The following SPTBN1 variants were observed in gnomAD, a reference collection of about 807,000 sequenced individuals.
SPTBN1 encodes the protein spectrin beta chain, non-erythrocytic 1.
In SPTBN1, 32 loss-of-function variants were observed where a neutral mutation model predicts 266.4. The ratio of observed to expected loss-of-function variants is 0.12; its 90% CI spans 0.09 to 0.16. The LOEUF is 0.16. Among genes scored for constraint, SPTBN1 ranks in the 10% least tolerant of loss-of-function variants. The pLI, the probability that SPTBN1 is intolerant of heterozygous loss-of-function variation, is 1.00. For synonymous variants in SPTBN1, 1,336 were observed against 1,162.2 expected, an observed-to-expected ratio of 1.15 and a Z score of -3.04; for missense variants, 2,296 against 3,067.1, an observed-to-expected ratio of 0.75 and a Z score of 5.94.
intron 17 of SPTBN1, 86 bp downstream of exon 17, chr2:54,632,854 T>C: frequency 6.9e-7 from 1 of 1,459,198 alleles, no homozygotes; most frequent in South Asian, 1.3e-5. Flanking sequence ...CTTGGGAGTT[T>C]AGGTATAAAT....
chr2:54,589,025 G>A (rs1014605845), intron 2 of SPTBN1, among the ~76,000 whole-genome samples: 5 of 152,016 alleles, frequency 3.3e-5, no homozygotes, highest in Non-Finnish European at 5.9e-5. Flanking sequence ...TAATCACATC[G>A]TGGAGAATGG....
At position 54,609,415 on chromosome 2, in the gene SPTBN1, A is replaced by G. The variant is rs529774075; in HGVS notation, c.301-2746A>G. On this transcript the variant is annotated intron_variant, in intron 3 of 35. Transcript: ENST00000356805. ...CTGTGAAGTCCTGTGTAACATCTGG[A>G]CATCATTTTCTTCAGCAGGAATGTA... Among the ~76,000 whole-genome samples, 4 of 152,232 alleles carry G rather than the reference A, an allele frequency of 2.6e-5. No homozygotes were observed. The East Asian group carries it at 5.8e-4, about 22-fold the overall frequency.
intron 29 of SPTBN1, among the ~76,000 whole-genome samples, chr2:54,656,463 T>C (rs933510338): frequency 3.9e-5 from 6 of 152,254 alleles, no homozygotes; most frequent in African/African-American, 1.4e-4. Context: ...TCTGTGTTTA[T>C]TCCCCAAAGT....
intron 1 of SPTBN1, among the ~76,000 whole-genome samples, chr2:54,497,814 G>A (rs2104083245): frequency 6.6e-6 from 1 of 152,270 alleles, no homozygotes; most frequent in East Asian, 1.9e-4. Context: ...TTTGGGAAGG[G>A]CTACCCTCTG....
At chr2:54,539,985 G>A (rs886122622) in intron 2 of SPTBN1, among the ~76,000 whole-genome samples, 5 of 152,152 alleles carry the variant, frequency 3.3e-5, no homozygotes, top group African/African-American at 1.2e-4. Flanking sequence ...TGGAGCCCTC[G>A]TGAATGGGAT....
intron 8 of SPTBN1, among the ~76,000 whole-genome samples, chr2:54,622,074 A>G (rs1678025713): frequency 6.6e-6 from 1 of 152,192 alleles, no homozygotes; most frequent in South Asian, 2.1e-4. Context: ...AACCAATTAC[A>G]GTTAAGCTGT....
chr2:54,469,331 C>T (rs1244124412), intron 1 of SPTBN1, among the ~76,000 whole-genome samples: 2 of 152,186 alleles, frequency 1.3e-5, no homozygotes, highest in Non-Finnish European at 2.9e-5. Flanking sequence ...CTGTTAGTCT[C>T]ATTTGGGTAA....
chr2:54,624,981 T>A lies in SPTBN1; in HGVS notation c.1341+19T>A, dbSNP rs1678230410. 3.2e-6 allele frequency: 5 copies of A among 1,561,804 alleles called. No homozygotes were observed. The East Asian group carries it at 1.1e-4, about 35-fold the overall frequency. On this transcript the variant is annotated intron_variant, in intron 11 of 35. Coordinates refer to ENST00000356805, the MANE Select transcript of SPTBN1 (RefSeq NM_003128.3). ...GTCTCAGGTTCTGCTCTTGACATTA[T>A]TAAAAAGACTGTTGCTAGGGTAATC...
Position 54,668,928 on chromosome 2 carries a change from T to C in SPTBN1, c.*359T>C. ...GGTGCTTAATCAATATTTCCTGTGCTCACCAGAGGCAAAATGTACCAATAT... is the reference window on the plus strand; with the variant it reads ...GGTGCTTAATCAATATTTCCTGTGCCCACCAGAGGCAAAATGTACCAATAT... On this transcript the variant is annotated 3_prime_UTR_variant, in exon 36 of 36. Transcript: ENST00000356805. The C allele has an allele frequency of 4.0e-6, 1 of 247,154 alleles. No homozygotes were observed. Among genetic ancestry groups the C allele is most frequent in the Non-Finnish European group, 8.0e-6 (1 of 125,180 alleles). 15.3% of individuals were successfully genotyped at this position (247,154 alleles called of 1,614,324 possible).
At position 54,629,699 on chromosome 2, in the gene SPTBN1, C is replaced by T. The variant is rs765631193; in HGVS notation, c.2565C>T (p.Phe855=). 6.2e-6 allele frequency: 10 copies of T among 1,613,652 alleles called. No homozygotes were observed. The highest frequency in any genetic ancestry group is 8.5e-6 in the Non-Finnish European group (10 of 1,180,032). Residue 855 remains phenylalanine, a synonymous_variant, in exon 14 of 36, where the codon TTC becomes TTT. Coordinates refer to ENST00000356805, the MANE Select transcript of SPTBN1 (RefSeq NM_003128.3). The stretch of plus-strand genomic sequence containing the variant: ...ACACTCTGGCCCTGTACAAGATGTT[C>T]AGCGAGGCTGATGCCTGTGAGCTCT... ...LQDTLALYKM[F]SEADACELWI...
chr2:54,651,871 A>C (rs1302924119), intron 26 of SPTBN1, among the ~76,000 whole-genome samples: 1 of 152,206 alleles, frequency 6.6e-6, no homozygotes, highest in Admixed American at 6.5e-5. Context: ...CTGGAAACCA[A>C]AGCCTGTTGG....
chr2:54,647,145 T>G lies in SPTBN1; in HGVS notation c.4881T>G (p.Ala1627=), dbSNP rs774931095. Residue 1627 remains alanine, a synonymous_variant, in exon 24 of 36, where the codon GCT becomes GCG. Transcript: ENST00000356805. ...SEEKAKDEQS[A]VSMLKKHQIL... ...TGTCTTTGCAGGATGAGCAGAGTGC[T>G]GTCTCCATGTTGAAGAAGCACCAGA... The G allele has an allele frequency of 6.2e-7, 1 of 1,614,188 alleles. No individual in the cohort carries two copies. Among genetic ancestry groups the G allele is most frequent in the Non-Finnish European group, 8.5e-7 (1 of 1,180,032 alleles).
intron 1 of SPTBN1, among the ~76,000 whole-genome samples, chr2:54,479,316 G>A (rs895767507): frequency 1.3e-5 from 2 of 152,172 alleles, no homozygotes; most frequent in African/African-American, 2.4e-5. Flanking sequence ...GAAATCTAAG[G>A]TATGATTGGT....
chr2:54,627,131 C>T (rs558270382), intron 12 of SPTBN1, among the ~76,000 whole-genome samples: 17 of 152,226 alleles, frequency 1.1e-4, no homozygotes, highest in African/African-American at 3.6e-4. Context: ...CATCTGTTGC[C>T]TACCTCTTGG....
In SPTBN1 at chr2:54,612,216, C is replaced by T; in HGVS notation, c.356C>T (p.Ala119Val). The stretch of plus-strand genomic sequence containing the variant: ...CACTGCTTAGAGAATGTGGACAAGG[C>T]CCTTCAGTTCCTGAAGGAGCAGAGA... ...RIHCLENVDKALQFLKEQRVH... is the reference protein window; with the variant it reads ...RIHCLENVDKVLQFLKEQRVH... The change falls in exon 4 of 36, where the codon GCC becomes GTC. Residue 119 changes from alanine (A) to valine (V), a missense_variant. Coordinates refer to ENST00000356805, the MANE Select transcript of SPTBN1 (RefSeq NM_003128.3). 3.1e-6 allele frequency: 5 copies of T among 1,613,838 alleles called. No individual in the cohort carries two copies. The highest frequency in any genetic ancestry group is 4.2e-6 in the Non-Finnish European group (5 of 1,179,814).
intron 1 of SPTBN1, among the ~76,000 whole-genome samples, chr2:54,487,832 C>CTTGTTTTTTTTTTTTTTTTTTTTT (rs1668486188): frequency 1.5e-5 from 1 of 68,644 alleles, no homozygotes; most frequent in Non-Finnish European, 2.6e-5. Flanking sequence ...CCTCCTGTGT[C>CTTGTTTTTTTTTTTTTTTTTTTTT]TTTTTTTTTT....
intron 2 of SPTBN1, among the ~76,000 whole-genome samples, chr2:54,598,743 C>T (rs1676270763): frequency 6.6e-6 from 1 of 152,206 alleles, no homozygotes; most frequent in South Asian, 2.1e-4. Context: ...CCTGCTGCCT[C>T]TTCAGCAGGG....
intron 1 of SPTBN1, among the ~76,000 whole-genome samples, chr2:54,503,943 C>G (rs1469722858): frequency 6.6e-6 from 1 of 152,168 alleles, no homozygotes; most frequent in African/African-American, 2.4e-5. Context: ...TATTCTGCAG[C>G]CTTCAGGTGT....
At chr2:54,642,944 T>C (rs1679674613) in intron 18 of SPTBN1, 39 bp from the exon 19 acceptor site, 1 of 1,594,866 alleles carries the variant, frequency 6.3e-7, no homozygotes, top group Admixed American at 1.7e-5. Flanking sequence ...GGCTGATGTC[T>C]AGGATCACAA....
Sources: gnomAD v4.1 joint callset for allele counts (sites outside exome capture counted in the v4.1 genomes callset) on GRCh38, gnomAD v4.1.1 for gene constraint, MANE v1.5 for transcripts, NCBI Gene and HGNC (gene_info 2026-07-23, HGNC 2026-07-21) for gene names.